Variants in NT5C2 observed in about 807,000 individuals in gnomAD.
NT5C2 encodes cytosolic purine 5'-nucleotidase.
NT5C2 carries 58 observed loss-of-function variants against 76.1 expected under a neutral mutation model. The ratio of observed to expected loss-of-function variants is 0.76; its 90% CI spans 0.62 to 0.95. The LOEUF (loss-of-function observed/expected upper bound fraction) is 0.95. Among genes scored for constraint, NT5C2 ranks in the 40% least tolerant of loss-of-function variants. The pLI, the probability that NT5C2 is intolerant of heterozygous loss-of-function variation, is 0.00. For synonymous variants in NT5C2, 229 were observed against 237.4 expected (o/e 0.96, Z 0.32); for missense variants, 478 against 690.3 (o/e 0.69, Z 3.45).
chr10:103,132,780 G>C (rs1239048126), intron 4 of NT5C2, among the ~76,000 whole-genome samples: 1 of 152,016 alleles, frequency 6.6e-6, no homozygotes, highest in Non-Finnish European at 1.5e-5. Context: ...TCGATCTCCT[G>C]ACCTTGTGAT....
intron 4 of NT5C2, among the ~76,000 whole-genome samples, chr10:103,130,124 TG>T: frequency 6.6e-6 from 1 of 150,880 alleles, no homozygotes; most frequent in South Asian, 2.1e-4. Flanking sequence ...GCAGGAAAGG[TG>T]GGGAAAAGAT....
intron 3 of NT5C2, among the ~76,000 whole-genome samples, chr10:103,140,599 A>C (rs1219507433): frequency 1.3e-5 from 2 of 152,212 alleles, no homozygotes; most frequent in Non-Finnish European, 2.9e-5. Context: ...TATTTTCTTT[A>C]GGAAGCTCTA....
At chr10:103,096,098 C>A in intron 11 of NT5C2, 118 bp from the exon 12 acceptor site, 1 of 664,878 alleles carries the variant, frequency 1.5e-6, no homozygotes, top group Non-Finnish European at 2.6e-6. Flanking sequence ...TCACCACATT[C>A]TTGTTTCCTC....
rs558133724 is a variant in NT5C2, at chr10:103,147,399, G to A, written c.102-7920C>T. Among the ~76,000 whole-genome samples, 5 of 152,260 alleles carry A rather than the reference G, an allele frequency of 3.3e-5. No individual in the cohort carries two copies. In the South Asian group the frequency reaches 1.0e-3, roughly 32 times the overall value. On this transcript the variant is annotated intron_variant, in intron 3 of 18. Transcript: ENST00000404739. ...TTTGTTTATATTCTTTTCCCTAAAA[G>A]GGCCACCTCAGTTATCTCTAATTAT...
intron 1 of NT5C2, among the ~76,000 whole-genome samples, chr10:103,187,507 G>A (rs1450989690): frequency 1.4e-5 from 2 of 146,512 alleles, no homozygotes; most frequent in Non-Finnish European, 3.0e-5. Flanking sequence ...AGCTGAGACT[G>A]CACCAATGCA....
intron 3 of NT5C2, among the ~76,000 whole-genome samples, chr10:103,145,377 G>A (rs1053628402): frequency 1.1e-4 from 16 of 152,074 alleles, no homozygotes; most frequent in Non-Finnish European, 1.9e-4. Context: ...TCAACTAAAA[G>A]GTACTATATC....
At chr10:103,133,834 A>T (rs960287407) in intron 4 of NT5C2, among the ~76,000 whole-genome samples, 1 of 152,230 alleles carries the variant, frequency 6.6e-6, no homozygotes, top group Non-Finnish European at 1.5e-5. Flanking sequence ...TGGGCAACAA[A>T]TTCTAGGCTG....
At chr10:103,178,582 C>A (rs2135112439) in intron 2 of NT5C2, among the ~76,000 whole-genome samples, 1 of 152,136 alleles carries the variant, frequency 6.6e-6, no homozygotes, top group South Asian at 2.1e-4. Context: ...CCTGTAATCC[C>A]AGCACTTTGG....
intron 3 of NT5C2, chr10:103,153,924 CTGCTT>C (rs2082843693): frequency 5.9e-6 from 2 of 340,544 alleles, no homozygotes; most frequent in Admixed American, 1.3e-4. Context: ...ACTTCATTAA[CTGCTT>C]TTAAACAAAA....
intron 1 of NT5C2, among the ~76,000 whole-genome samples, chr10:103,184,741 A>T (rs1020445931): frequency 2.0e-5 from 3 of 152,242 alleles, no homozygotes; most frequent in African/African-American, 7.2e-5. Flanking sequence ...TGGTTCACAA[A>T]TACATAAGAT....
chr10:103,109,782 A>G (rs1042529400), intron 4 of NT5C2, among the ~76,000 whole-genome samples: 2 of 152,216 alleles, frequency 1.3e-5, no homozygotes, highest in African/African-American at 2.4e-5. Context: ...ACCTATGTCT[A>G]TGAGACAATT....
intron 3 of NT5C2, among the ~76,000 whole-genome samples, chr10:103,149,460 G>C (rs1340545959): frequency 6.6e-6 from 1 of 152,150 alleles, no homozygotes; most frequent in African/African-American, 2.4e-5. Flanking sequence ...AGAGAGGGCT[G>C]ACTACCAAAT....
Position 103,089,855 on chromosome 10 carries a change from C to T in NT5C2, c.1503G>A (p.Glu501=). Residue 501 remains glutamate (E), a synonymous_variant, in exon 19 of 19, where the codon GAG becomes GAA. Transcript: ENST00000404739. ...EHTHVDINEM[E]SPLATRNRTS... is the part of the protein sequence containing the mutation. ...TGCGGTTCCGGGTGGCAAGAGGAGA[C>T]TCCATCTCATTGATATCTACGTGTG... 14 of 1,614,002 alleles carry T rather than the reference C, an allele frequency of 8.7e-6. No individual in the cohort carries two copies. Among genetic ancestry groups the T allele is most frequent in the Non-Finnish European group, 1.1e-5 (13 of 1,179,968 alleles).
At chr10:103,183,931 CATG>C (rs983597684) in intron 1 of NT5C2, among the ~76,000 whole-genome samples, 4 of 151,092 alleles carry the variant, frequency 2.6e-5, no homozygotes, top group African/African-American at 7.3e-5. Context: ...TTAAATAGTT[CATG>C]ATAAGTTTTT....
intron 4 of NT5C2, among the ~76,000 whole-genome samples, chr10:103,110,230 T>C (rs1274056749): frequency 1.3e-5 from 2 of 152,076 alleles, no homozygotes; most frequent in Non-Finnish European, 2.9e-5. Context: ...CCGGGGCGTG[T>C]GGATCACTTG....
intron 4 of NT5C2, among the ~76,000 whole-genome samples, chr10:103,130,759 A>G (rs2078017578): frequency 6.6e-6 from 1 of 151,934 alleles, no homozygotes; most frequent in South Asian, 2.1e-4. Context: ...TCCAGCATTT[A>G]ACATAAAAAA....
chr10:103,126,805 C>T (rs935859046), intron 4 of NT5C2, among the ~76,000 whole-genome samples: 27 of 152,172 alleles, frequency 1.8e-4, no homozygotes, highest in Admixed American at 9.2e-4. Context: ...CACTTATATG[C>T]GGATTTTTTA....
intron 1 of NT5C2, among the ~76,000 whole-genome samples, chr10:103,189,279 T>C (rs1052445670): frequency 6.6e-6 from 1 of 152,142 alleles, no homozygotes; most frequent in Non-Finnish European, 1.5e-5. Flanking sequence ...TCATTTGATA[T>C]GTCTACTACC....
intron 3 of NT5C2, among the ~76,000 whole-genome samples, chr10:103,149,098 A>G (rs906554309): frequency 6.6e-6 from 1 of 152,182 alleles, no homozygotes; most frequent in Non-Finnish European, 1.5e-5. Context: ...CAAGTCAGTC[A>G]TGTAGGTTGT....
Sources: allele counts gnomAD v4.1 joint callset (sites outside exome capture counted in the v4.1 genomes callset), GRCh38; gene constraint gnomAD v4.1.1; transcripts MANE v1.5; gene names NCBI Gene and HGNC (gene_info 2026-07-23, HGNC 2026-07-21).